Variants in LIN52 observed in about 807,000 individuals in gnomAD.
LIN52 encodes protein lin-52 homolog.
Under a neutral mutation model 18.5 loss-of-function variants are expected in LIN52, and 4 were observed. The ratio of observed to expected loss-of-function variants is 0.22; its 90% CI spans 0.11 to 0.49. LIN52 has a LOEUF of 0.49. LIN52 is among the 20% of genes least tolerant of loss of function. LIN52 has a pLI of 0.97. For synonymous variants in LIN52, 34 were observed against 45.5 expected (o/e 0.75, Z 1.02); for missense variants, 102 against 139.5 (o/e 0.73, Z 1.35).
chr14:74,175,472 CA>C (rs1240802361), intron 5 of LIN52, among the ~76,000 whole-genome samples: 3 of 150,714 alleles, frequency 2.0e-5, no homozygotes, highest in African/African-American at 7.3e-5. Flanking sequence ...GCCCCAGGAT[CA>C]CTTGAAGCCA....
chr14:74,134,315 G>A (rs8007847), intron 5 of LIN52, among the ~76,000 whole-genome samples: 1 of 152,010 alleles, frequency 6.6e-6, no homozygotes, highest in Non-Finnish European at 1.5e-5. Flanking sequence ...AAAGGAACAG[G>A]CTTCACTACC....
At chr14:74,179,122 C>A (rs1301910788) in intron 5 of LIN52, among the ~76,000 whole-genome samples, 1 of 152,086 alleles carries the variant, frequency 6.6e-6, no homozygotes, top group Non-Finnish European at 1.5e-5. Context: ...AAGGCTCATT[C>A]AAGCACATCC....
intron 5 of LIN52, among the ~76,000 whole-genome samples, chr14:74,124,185 A>C (rs988907037): frequency 1.3e-5 from 2 of 152,186 alleles, no homozygotes; most frequent in Admixed American, 1.3e-4. Context: ...AGACTAACCA[A>C]ATTCTATATC....
chr14:74,107,455 A>T (rs1366280916), intron 5 of LIN52, among the ~76,000 whole-genome samples: 3 of 152,100 alleles, frequency 2.0e-5, no homozygotes, highest in Non-Finnish European at 4.4e-5. Flanking sequence ...TTTTCTCGGT[A>T]AGCTGTCCTT....
At chr14:74,129,042 G>A (rs77145678) in intron 5 of LIN52, among the ~76,000 whole-genome samples, 1 of 152,192 alleles carries the variant, frequency 6.6e-6, no homozygotes, top group Non-Finnish European at 1.5e-5. Flanking sequence ...TTTGGCTTTG[G>A]TTGTTAACTG....
At chr14:74,168,383 G>GC (rs1212629338) in intron 5 of LIN52, among the ~76,000 whole-genome samples, 3 of 152,110 alleles carry the variant, frequency 2.0e-5, no homozygotes, top group African/African-American at 7.2e-5. Context: ...AAATTAACCA[G>GC]CTTTGCCGGG....
At chr14:74,144,225 A>C (rs772604931) in intron 5 of LIN52, among the ~76,000 whole-genome samples, 69 of 151,546 alleles carry the variant, frequency 4.6e-4, no homozygotes, top group Non-Finnish European at 7.7e-4. Context: ...TGGGGTCAAG[A>C]GATCCTTCCG....
intron 5 of LIN52, among the ~76,000 whole-genome samples, chr14:74,122,021 G>T (rs960171007): frequency 8.5e-5 from 13 of 152,162 alleles, no homozygotes; most frequent in Non-Finnish European, 1.9e-4. Flanking sequence ...CCCATGAGAA[G>T]AGGTTGAGGA....
chr14:74,195,575 T>TGTGTGTGTGC (rs559855495), intron 5 of LIN52, among the ~76,000 whole-genome samples: 1 of 151,560 alleles, frequency 6.6e-6, no homozygotes, highest in Non-Finnish European at 1.5e-5. Flanking sequence ...TGTGTGTGTG[T>TGTGTGTGTGC]GCGCGTGTAG....
rs2078946947 is a variant in LIN52 at position 74,201,163 on chromosome 14, T to A, written c.*2186T>A. 1 of 152,242 alleles carries A rather than the reference T, an allele frequency of 6.6e-6. No homozygotes were observed. Among genetic ancestry groups the A allele is most frequent in the Non-Finnish European group, 1.5e-5 (1 of 68,036 alleles). 9.4% of individuals were successfully genotyped at this position (152,242 alleles called of 1,614,324 possible). On this transcript the variant is annotated 3_prime_UTR_variant, in exon 6 of 6. Transcript: ENST00000555028. ...ATGTACAGTATGTGTGTATATGTATTTCAGGATGTTATAGTATTGTACTTT... is the reference window on the plus strand; with the variant it reads ...ATGTACAGTATGTGTGTATATGTATATCAGGATGTTATAGTATTGTACTTT...
intron 5 of LIN52, among the ~76,000 whole-genome samples, chr14:74,113,300 G>C (rs2139907388): frequency 6.6e-6 from 1 of 152,240 alleles, no homozygotes; most frequent in South Asian, 2.1e-4. Context: ...GCTGAGGCAG[G>C]AGAATGACTT....
chr14:74,153,851 A>AT (rs530373976), intron 5 of LIN52, among the ~76,000 whole-genome samples: 56 of 152,256 alleles, frequency 3.7e-4, no homozygotes, highest in African/African-American at 1.0e-3. Context: ...GCGGAAAATG[A>AT]TTTTTTTAAA....
intron 5 of LIN52, among the ~76,000 whole-genome samples, chr14:74,145,815 G>A (rs764831768): frequency 6.6e-6 from 1 of 152,182 alleles, no homozygotes; most frequent in Non-Finnish European, 1.5e-5. Flanking sequence ...GACAAAACAT[G>A]AAATGTTTTT....
intron 5 of LIN52, among the ~76,000 whole-genome samples, chr14:74,164,761 C>A (rs1171700698): frequency 6.6e-6 from 1 of 152,130 alleles, no homozygotes. Context: ...ACAGCCTGAT[C>A]ACACTGTAGC....
chr14:74,175,752 C>CACACA (rs1566867516), intron 5 of LIN52, among the ~76,000 whole-genome samples: 5,501 of 115,994 alleles, frequency 0.047, 267 homozygotes, highest in East Asian at 0.27. Flanking sequence ...ACACACACAC[C>CACACA]CCCATTATAC....
rs144602983 is a variant in LIN52, at chr14:74,164,613, C to T, written c.284-34309C>T. ...CACTGAAAATGTAGCAAATTATGCACGCATTATATGCTGAGGCCATCTCTC... is the reference window on the plus strand; with the variant it reads ...CACTGAAAATGTAGCAAATTATGCATGCATTATATGCTGAGGCCATCTCTC... On this transcript the variant is annotated intron_variant, in intron 5 of 5. Transcript: ENST00000555028. 6.2e-3 allele frequency among the ~76,000 whole-genome samples: 939 copies of T among 152,184 alleles called. 10 individuals carry two copies. The highest frequency in any genetic ancestry group is 0.022 in the African/African-American group (898 of 41,518).
At chr14:74,180,326 C>T (rs2061312874) in intron 5 of LIN52, among the ~76,000 whole-genome samples, 1 of 138,040 alleles carries the variant, frequency 7.2e-6, no homozygotes, top group Admixed American at 7.9e-5. Context: ...AGTGCAGTGG[C>T]ATGATCTCGG....
At chr14:74,128,682 C>T (rs1470302827) in intron 5 of LIN52, among the ~76,000 whole-genome samples, 1 of 152,216 alleles carries the variant, frequency 6.6e-6, no homozygotes, top group Non-Finnish European at 1.5e-5. Context: ...TGGCTCATGC[C>T]TGTAATCCCA....
At chr14:74,153,309 T>C (rs886955975) in intron 5 of LIN52, among the ~76,000 whole-genome samples, 1 of 152,160 alleles carries the variant, frequency 6.6e-6, no homozygotes, top group South Asian at 2.1e-4. Context: ...TTAGAACTAG[T>C]TTTTTCTTTG....
Sources: allele counts gnomAD v4.1 joint callset (sites outside exome capture counted in the v4.1 genomes callset), GRCh38; gene constraint gnomAD v4.1.1; transcripts MANE v1.5; gene names NCBI Gene and HGNC (gene_info 2026-07-23, HGNC 2026-07-21).